ST13: variants seen among roughly 807,000 people sequenced by gnomAD.
ST13 encodes ST13 Hsp70 interacting protein, also known as hsc70-interacting protein.
ST13 carries 23 observed loss-of-function variants against 56.7 expected under a neutral mutation model. The ratio of observed to expected loss-of-function variants is 0.41; its 90% confidence interval spans 0.29 to 0.57. The LOEUF (loss-of-function observed/expected upper bound fraction) is 0.57, where lower values mean the gene tolerates loss of function less well. Among genes scored for constraint, ST13 ranks in the 20% least tolerant of loss-of-function variants. ST13 has a pLI of 0.36. For synonymous variants in ST13, 132 were observed against 142.4 expected (o/e 0.93, Z 0.52); for missense variants, 369 against 459.9 (o/e 0.80, Z 1.81).
intron 5 of ST13, among the ~76,000 whole-genome samples, chr22:40,839,779 T>C (rs1330561551): frequency 1.3e-5 from 2 of 149,024 alleles, no homozygotes; most frequent in South Asian, 4.3e-4. Context: ...AAAAATAAAA[T>C]AAAATACAAC....
chr22:40,829,719 A>C, intron 9 of ST13, 45 bp from the exon 10 acceptor site: 1 of 1,163,818 alleles, frequency 8.6e-7, no homozygotes, highest in Non-Finnish European at 1.2e-6. Context: ...AGAAGAAATA[A>C]GTGCTGTCCA....
At chr22:40,831,098 A>G (rs2057751847) in intron 8 of ST13, 142 bp from the exon 9 acceptor site, 1 of 609,086 alleles carries the variant, frequency 1.6e-6, no homozygotes, top group Admixed American at 3.0e-5. Context: ...GACCTAACAC[A>G]AGCTAAGCCT....
chr22:40,841,853 A>G lies in ST13; in HGVS notation c.316-1161T>C, dbSNP rs76654811. On this transcript the variant is annotated intron_variant, in intron 4 of 11. Coordinates refer to ENST00000216218, the MANE Select transcript of ST13 (RefSeq NM_003932.5). ...AGTGAGTTGCCTGCCTCACTCTCCC[A>G]AAGTTCTGGGATTAGAAGCATAAGC... 8.4e-3 allele frequency among the ~76,000 whole-genome samples: 1,284 copies of G among 151,962 alleles called. 20 individuals carry two copies. The highest frequency in any genetic ancestry group is 0.03 in the African/African-American group (1,245 of 41,426).
intron 5 of ST13, among the ~76,000 whole-genome samples, chr22:40,839,337 T>C (rs576772051): frequency 4.6e-5 from 7 of 152,296 alleles, no homozygotes; most frequent in Admixed American, 2.6e-4. Context: ...CACTATACAA[T>C]AGCATCTAGT....
At chr22:40,849,556 A>C (rs1569005136) in intron 2 of ST13, among the ~76,000 whole-genome samples, 1 of 151,898 alleles carries the variant, frequency 6.6e-6, no homozygotes, top group Non-Finnish European at 1.5e-5. Context: ...TCCCTATAAA[A>C]TGTGCAAAGT....
intron 7 of ST13, among the ~76,000 whole-genome samples, chr22:40,833,626 A>G (rs1455933281): frequency 1.3e-5 from 2 of 151,740 alleles, no homozygotes; most frequent in African/African-American, 4.8e-5. Flanking sequence ...CTATTATCCT[A>G]GCACTTTGGG....
chr22:40,836,090 T>C lies in ST13; in HGVS notation c.383-203A>G, dbSNP rs558662187. ...GTAACTCACGAGGTAAGACAATTTC[T>C]GAGTACGTAAGCCCCTAACTAACAA... On this transcript the variant is annotated intron_variant, in intron 5 of 11. Coordinates refer to ENST00000216218, the MANE Select transcript of ST13 (RefSeq NM_003932.5). 6.4e-5 allele frequency: 32 copies of C among 500,354 alleles called. No individual in the cohort carries two copies. The East Asian group carries it at 1.1e-3, about 17-fold the overall frequency. The allele number at this position is 500,354 out of a possible 1,614,324, so 31.0% of individuals were successfully genotyped here.
intron 5 of ST13, among the ~76,000 whole-genome samples, chr22:40,839,806 G>T (rs1253984040): frequency 6.6e-6 from 1 of 150,702 alleles, no homozygotes; most frequent in Non-Finnish European, 1.5e-5. Flanking sequence ...ACAGAAAAAA[G>T]AAAAAAATAA....
chr22:40,843,673 AAGATGAGTG>A (rs1226152362), intron 4 of ST13, among the ~76,000 whole-genome samples: 1 of 152,166 alleles, frequency 6.6e-6, no homozygotes, highest in Non-Finnish European at 1.5e-5. Flanking sequence ...AACATGAAGA[AAGATGAGTG>A]AAGATGAGTC....
At chr22:40,850,117 G>A (rs1229161000) in intron 2 of ST13, among the ~76,000 whole-genome samples, 2 of 152,114 alleles carry the variant, frequency 1.3e-5, no homozygotes, top group African/African-American at 2.4e-5. Context: ...AATTAGCCAG[G>A]CATGGTGGGA....
intron 5 of ST13, among the ~76,000 whole-genome samples, chr22:40,839,500 C>T (rs1051524743): frequency 2.6e-5 from 4 of 152,178 alleles, no homozygotes; most frequent in African/African-American, 9.7e-5. Context: ...CGCAGTGGTT[C>T]GCGTCTGCAA....
intron 2 of ST13, among the ~76,000 whole-genome samples, chr22:40,850,424 T>C (rs184527115): frequency 1.3e-5 from 2 of 152,264 alleles, no homozygotes; most frequent in East Asian, 1.9e-4. Context: ...ATCACTCAGG[T>C]AGTAGAGCAA....
At chr22:40,837,328 G>C (rs1348243013) in intron 5 of ST13, among the ~76,000 whole-genome samples, 2 of 151,912 alleles carry the variant, frequency 1.3e-5, no homozygotes, top group East Asian at 3.9e-4. Context: ...TTTATGACAG[G>C]GTCTTGGCTG....
chr22:40,835,978 T>C (rs1168951186), intron 5 of ST13, 91 bp from the exon 6 acceptor site: 1 of 1,024,412 alleles, frequency 9.8e-7, no homozygotes. Context: ...GTCTTTTACA[T>C]TTTTCTTTTA....
At chr22:40,831,140 C>T (rs1602649975) in intron 8 of ST13, among the ~76,000 whole-genome samples, 184 bp from the exon 9 acceptor site, 1 of 152,214 alleles carries the variant, frequency 6.6e-6, no homozygotes, top group African/African-American at 2.4e-5. Flanking sequence ...GCATGAGGCA[C>T]TGTAAAACAG....
intron 5 of ST13, 127 bp downstream of exon 5, chr22:40,840,499 G>C: frequency 1.3e-6 from 1 of 745,764 alleles, no homozygotes; most frequent in Admixed American, 3.1e-5. Context: ...GGGGTGACTG[G>C]ATAATAGGAC....
intron 1 of ST13, among the ~76,000 whole-genome samples, chr22:40,855,486 C>G (rs968738231): frequency 2.0e-5 from 3 of 152,282 alleles, no homozygotes; most frequent in African/African-American, 7.2e-5. Flanking sequence ...AGCAGCACCT[C>G]TTAGGAGTCG....
intron 3 of ST13, among the ~76,000 whole-genome samples, chr22:40,845,974 T>A (rs576832684): frequency 5.3e-5 from 8 of 152,316 alleles, no homozygotes; most frequent in African/African-American, 1.7e-4. Context: ...TTCGCTTTTG[T>A]TGCCGAGGTT....
chr22:40,835,425 CT>C, intron 7 of ST13, 134 bp downstream of exon 7: 1 of 682,516 alleles, frequency 1.5e-6, no homozygotes, highest in Non-Finnish European at 2.6e-6. Context: ...AGCTATCTCA[CT>C]TCTTGATACT....
Sources: gnomAD v4.1 joint callset for allele counts (sites outside exome capture counted in the v4.1 genomes callset) on GRCh38, gnomAD v4.1.1 for gene constraint, MANE v1.5 for transcripts, NCBI Gene and HGNC (gene_info 2026-07-23, HGNC 2026-07-21) for gene names.